AK4: variants seen among roughly 807,000 people sequenced by gnomAD.
AK4 encodes the protein adenylate kinase 4.
A neutral mutation model predicts 24.6 loss-of-function variants in AK4; 13 were observed. The observed-to-expected ratio is 0.53, with a 90% CI of 0.34 to 0.84. The LOEUF is 0.84. Ranked by LOEUF, AK4 falls within the 40% of genes least tolerant of loss-of-function variation. The pLI is 0.01. For missense variants in AK4, 192 were observed against 288.2 expected (o/e 0.67, Z 2.42); for synonymous variants, 88 against 107.0 (o/e 0.82, Z 1.10).
rs1570048235 is a variant in AK4 at position 65,148,433 on chromosome 1, T to C, written c.26T>C (p.Val9Ala). 1 of 1,557,602 alleles carries C rather than the reference T, an allele frequency of 6.4e-7. No homozygotes were observed. Among genetic ancestry groups the C allele is most frequent in the Non-Finnish European group, 8.7e-7 (1 of 1,152,076 alleles). Residue 9 changes from valine (V) to alanine (A), a missense_variant, in exon 1 of 5, where the codon GTC becomes GCC. By Grantham distance (64) the Val-to-Ala change is moderately conservative. Transcript: ENST00000327299. MASKLLRA[V>A]ILGPPGSGKG... is the part of the protein sequence containing the mutation. The stretch of plus-strand genomic sequence containing the variant: ...ATGGCTTCCAAACTCCTGCGCGCGG[T>C]CATCCTCGGGCCGCCCGGCTCGGGC...
intron 1 of AK4, among the ~76,000 whole-genome samples, chr1:65,180,826 G>A (rs1465613271): frequency 3.3e-5 from 5 of 152,136 alleles, no homozygotes; most frequent in East Asian, 1.9e-4. Context: ...GCGCACACAC[G>A]TGTGCACTGC....
At chr1:65,188,860 C>T (rs907447687) in intron 1 of AK4, among the ~76,000 whole-genome samples, 2 of 151,930 alleles carry the variant, frequency 1.3e-5, no homozygotes, top group African/African-American at 4.8e-5. Flanking sequence ...CTGCAACCTC[C>T]GCCTCCCAGG....
At chr1:65,161,559 C>CCA (rs1175055111) in intron 1 of AK4, among the ~76,000 whole-genome samples, 1 of 152,188 alleles carries the variant, frequency 6.6e-6, no homozygotes, top group African/African-American at 2.4e-5. Flanking sequence ...TGAAGCCTTT[C>CCA]CACACCTGTT....
rs1040220170 is a variant in AK4, at chr1:65,227,589, A to G, written c.*1412A>G. 1 of 145,582 alleles carries G rather than the reference A, an allele frequency of 6.9e-6. No homozygotes were observed. Among genetic ancestry groups the G allele is most frequent in the Non-Finnish European group, 1.5e-5 (1 of 66,238 alleles). 9.0% of individuals were successfully genotyped at this position (145,582 alleles called of 1,614,324 possible). ...AATTTATTCCTGCTGCCTTAAAAAT[A>G]TGTATCCCTTCTTCACCCATCATGA... On this transcript the variant is annotated 3_prime_UTR_variant, in exon 5 of 5. Coordinates refer to ENST00000327299, the MANE Select transcript of AK4 (RefSeq NM_013410.4).
At chr1:65,185,624 CTTT>C (rs35079324) in intron 1 of AK4, among the ~76,000 whole-genome samples, 1 of 136,216 alleles carries the variant, frequency 7.3e-6, no homozygotes, top group South Asian at 2.3e-4. Flanking sequence ...ATATGACCAT[CTTT>C]TTTTTTTTTT....
At chr1:65,211,718 C>T (rs1396978000) in intron 2 of AK4, among the ~76,000 whole-genome samples, 1 of 152,192 alleles carries the variant, frequency 6.6e-6, no homozygotes, top group East Asian at 1.9e-4. Flanking sequence ...GTGCAAAGCA[C>T]GCTTACAGCA....
chr1:65,211,493 G>C lies in AK4; in HGVS notation c.266-7261G>C, dbSNP rs147654323. Among the ~76,000 whole-genome samples, 199 of 152,332 alleles carry C rather than the reference G, an allele frequency of 1.3e-3. 1 individual carries two copies. The highest frequency in any genetic ancestry group is 4.3e-3 in the African/African-American group (177 of 41,584). Reference sequence around the variant, plus strand: ...TTTCTGTTCAGGAGGAAGACAGCATGGTGTGGTACATGGCGTGTGATTGTA... The same window carrying C: ...TTTCTGTTCAGGAGGAAGACAGCATCGTGTGGTACATGGCGTGTGATTGTA... On this transcript the variant is annotated intron_variant, in intron 2 of 4. Coordinates refer to ENST00000327299, the MANE Select transcript of AK4 (RefSeq NM_013410.4).
rs115938442 is a variant in AK4 at position 65,180,763 on chromosome 1, A to G, written c.146-9947A>G. Among the ~76,000 whole-genome samples, 325 of 152,320 alleles carry G rather than the reference A, an allele frequency of 2.1e-3. 3 individuals are homozygous for G. Among genetic ancestry groups the G allele is most frequent in the Admixed American group, 4.5e-3 (69 of 15,304 alleles). On this transcript the variant is annotated intron_variant, in intron 1 of 4. Coordinates refer to ENST00000327299, the MANE Select transcript of AK4 (RefSeq NM_013410.4). ...GCAGCTTGAAGAATTATAAAGCTCT[A>G]CAGTTCATCTTTGACCAGGCCCCTT...
upstream of AK4, chr1:65,148,139 G>T (rs542556850): frequency 3.2e-6 from 2 of 619,244 alleles, no homozygotes. Context: ...AGCTTTGCGT[G>T]GGGGCGAGGA....
Position 65,172,063 on chromosome 1 carries a change from G to GTA in AK4, c.146-18607_146-18606dup, listed in dbSNP as rs3051712. Among the ~76,000 whole-genome samples, 269 of 65,736 alleles carry GTA rather than the reference G, an allele frequency of 4.1e-3. 10 individuals are homozygous for GTA. The highest frequency in any genetic ancestry group is 9.3e-3 in the Middle Eastern group (1 of 108). 43.1% of individuals were successfully genotyped at this position (65,736 alleles called of 152,430 possible). A position where few individuals can be genotyped will look rare whatever the true frequency, so the allele number is the denominator to read the frequency against. On this transcript the variant is annotated intron_variant, in intron 1 of 4. Coordinates refer to ENST00000327299, the MANE Select transcript of AK4 (RefSeq NM_013410.4). ...GCAACAGAGAGAGACTCCATCTCAA[G>GTA]TATATATATATATATATATATATAT...
intron 2 of AK4, among the ~76,000 whole-genome samples, chr1:65,199,944 C>G (rs890116982): frequency 1.3e-5 from 2 of 152,086 alleles, no homozygotes; most frequent in Admixed American, 6.6e-5. Flanking sequence ...CTCGTACTTT[C>G]TAACATGATA....
Position 65,232,042 on chromosome 1 carries a change from C to T in AK4, c.*5865C>T, listed in dbSNP as rs1408024203. On this transcript the variant is annotated 3_prime_UTR_variant, in exon 5 of 5. Coordinates refer to ENST00000327299, the MANE Select transcript of AK4 (RefSeq NM_013410.4). ...CTCCAGTCTGATCTGTATATGCTAT[C>T]CTAACTGTTAATTGTATTATTGATT... The T allele has an allele frequency of 6.6e-6, 1 of 152,112 alleles. No individual in the cohort carries two copies. Among genetic ancestry groups the T allele is most frequent in the Non-Finnish European group, 1.5e-5 (1 of 68,020 alleles). 9.4% of individuals were successfully genotyped at this position (152,112 alleles called of 1,614,324 possible).
chr1:65,213,165 A>G (rs12743435), intron 2 of AK4, among the ~76,000 whole-genome samples: 60,604 of 152,038 alleles, frequency 0.4, 12,495 homozygotes, highest in East Asian at 0.67. Flanking sequence ...CCATGTTGCT[A>G]CCTCAAGGTA....
intron 1 of AK4, among the ~76,000 whole-genome samples, chr1:65,157,183 T>G (rs974084319): frequency 2.6e-5 from 4 of 152,216 alleles, no homozygotes; most frequent in Admixed American, 2.6e-4. Flanking sequence ...GAAGAACATC[T>G]GGCTTTATAC....
intron 1 of AK4, among the ~76,000 whole-genome samples, chr1:65,163,022 C>T (rs1054404398): frequency 2.0e-5 from 3 of 152,120 alleles, no homozygotes; most frequent in Non-Finnish European, 4.4e-5. Context: ...ATTTTGTTTA[C>T]CCATTCATTC....
intron 1 of AK4, 113 bp from the exon 2 acceptor site, chr1:65,190,597 A>G: frequency 8.1e-7 from 1 of 1,233,606 alleles, no homozygotes; most frequent in Non-Finnish European, 1.1e-6. Flanking sequence ...ACAACTTCCT[A>G]GGAATTTCTT....
intron 1 of AK4, among the ~76,000 whole-genome samples, chr1:65,169,175 C>CAAAAAA (rs577188503): frequency 3.1e-5 from 2 of 64,746 alleles, no homozygotes; most frequent in Non-Finnish European, 3.2e-5. Context: ...GACGCTGTCT[C>CAAAAAA]AAAAAAAAAA....
chr1:65,200,334 C>G (rs572969770), intron 2 of AK4, among the ~76,000 whole-genome samples: 40 of 152,260 alleles, frequency 2.6e-4, no homozygotes, highest in Non-Finnish European at 1.5e-5. Context: ...AGGCTGGTCT[C>G]AAACTCCTGA....
At chr1:65,183,325 A>T (rs1650972649) in intron 1 of AK4, among the ~76,000 whole-genome samples, 1 of 152,042 alleles carries the variant, frequency 6.6e-6, no homozygotes, top group Admixed American at 6.6e-5. Context: ...ATCTTGGCTC[A>T]TTGCAACCTC....
Sources: allele counts gnomAD v4.1 joint callset (sites outside exome capture counted in the v4.1 genomes callset), GRCh38; gene constraint gnomAD v4.1.1; transcripts MANE v1.5; gene names NCBI Gene and HGNC (gene_info 2026-07-23, HGNC 2026-07-21).